The following ITGB6 variants were observed in gnomAD, a reference collection of about 807,000 sequenced individuals.
ITGB6 encodes the protein integrin subunit beta 6, also known as integrin beta-6.
Under a neutral mutation model 84.5 loss-of-function variants are expected in ITGB6, and 80 were observed. The observed-to-expected ratio is 0.95, with a 90% CI of 0.79 to 1.14. The LOEUF is 1.14. Among genes scored for constraint, ITGB6 ranks in the 50% most tolerant of loss-of-function variants. The pLI is 0.00. For synonymous variants in ITGB6, 383 were observed against 354.9 expected, an observed-to-expected ratio of 1.08 and a Z score of -0.89; for missense variants, 1,006 against 968.0, an observed-to-expected ratio of 1.04 and a Z score of -0.52.
rs377466578 is a variant in ITGB6, at chr2:160,195,632, G to A, written c.347-17C>T. 61 of 1,612,632 alleles carry A rather than the reference G, an allele frequency of 3.8e-5. No individual in the cohort carries two copies. Among genetic ancestry groups the A allele is most frequent in the Admixed American group, 8.3e-5 (5 of 59,944 alleles). ...GCGCACCACCTGCAAAGCCCAACAG[G>A]AAAAGCAAACCCAGGAAAACACACT... is the stretch of plus-strand genomic sequence containing the variant. On this transcript the variant is annotated splice_polypyrimidine_tract_variant and intron_variant, in intron 3 of 14. Transcript: ENST00000283249.
At chr2:160,105,071 C>T (rs796359747) in intron 14 of ITGB6, among the ~76,000 whole-genome samples, 58 of 152,178 alleles carry the variant, frequency 3.8e-4, no homozygotes, top group Admixed American at 1.9e-3. Context: ...GTGCAGTGAG[C>T]GACATTTTTT....
intron 6 of ITGB6, among the ~76,000 whole-genome samples, chr2:160,172,085 T>G (rs1316733327): frequency 6.6e-6 from 1 of 152,232 alleles, no homozygotes; most frequent in East Asian, 1.9e-4. Context: ...TTTCTTTGAA[T>G]GTCACTAGCA....
At chr2:160,125,264 A>T (rs1424889598) in intron 11 of ITGB6, among the ~76,000 whole-genome samples, 1 of 152,238 alleles carries the variant, frequency 6.6e-6, no homozygotes, top group Non-Finnish European at 1.5e-5. Context: ...GAATACATGC[A>T]TGAATAAATG....
At chr2:160,165,674 G>T (rs554245239) in intron 7 of ITGB6, among the ~76,000 whole-genome samples, 1 of 152,142 alleles carries the variant, frequency 6.6e-6, no homozygotes, top group Non-Finnish European at 1.5e-5. Context: ...TAGCATATGC[G>T]GCTGCTGTTT....
At chr2:160,178,183 A>C (rs1013297895) in intron 4 of ITGB6, among the ~76,000 whole-genome samples, 1 of 152,210 alleles carries the variant, frequency 6.6e-6, no homozygotes, top group African/African-American at 2.4e-5. Flanking sequence ...CCAGTTATCT[A>C]TCTTTGGGCA....
At chr2:160,173,791 C>T (rs1685307119) in intron 5 of ITGB6, among the ~76,000 whole-genome samples, 183 bp downstream of exon 5, 1 of 152,138 alleles carries the variant, frequency 6.6e-6, no homozygotes, top group African/African-American at 2.4e-5. Context: ...GCAGAAAGGA[C>T]AGTCCCCATT....
At chr2:160,178,561 G>T (rs1406859788) in intron 4 of ITGB6, among the ~76,000 whole-genome samples, 2 of 152,214 alleles carry the variant, frequency 1.3e-5, no homozygotes, top group Non-Finnish European at 2.9e-5. Flanking sequence ...AAATTCAAGT[G>T]ATAGGAGAGC....
At chr2:160,153,839 T>G (rs1392506157) in intron 7 of ITGB6, among the ~76,000 whole-genome samples, 1 of 152,134 alleles carries the variant, frequency 6.6e-6, no homozygotes, top group East Asian at 1.9e-4. Flanking sequence ...AAATCGCTCG[T>G]CATCACTGGC....
At chr2:160,115,560 G>GA (rs2105785057) in intron 12 of ITGB6, among the ~76,000 whole-genome samples, 1 of 152,300 alleles carries the variant, frequency 6.6e-6, no homozygotes, top group South Asian at 2.1e-4. Context: ...CAAAGATGGG[G>GA]AAAAAACAGA....
At chr2:160,197,875 T>C (rs574633449) in intron 2 of ITGB6, among the ~76,000 whole-genome samples, 3 of 152,382 alleles carry the variant, frequency 2.0e-5, no homozygotes, top group African/African-American at 7.2e-5. Context: ...AGCAGAAGCC[T>C]AATTTACTTT....
In ITGB6 at chr2:160,195,461, G is replaced by T. The variant is rs1454997323; in HGVS notation, c.501C>A (p.Thr167=). The change falls in exon 4 of 15, where the codon ACC becomes ACA. Residue 167 remains threonine (T), a synonymous_variant. Coordinates refer to ENST00000283249, the MANE Select transcript of ITGB6 (RefSeq NM_000888.5). ...SRLSKEMSKL[T]SNFRLGFGSF... ...ATCCGAAGCCCAGTCTAAAGTTGCT[G>T]GTTAATTTAGACATCTCTTTGGAAA... The T allele has an allele frequency of 3.1e-6, 5 of 1,614,188 alleles. No individual in the cohort carries two copies. In the East Asian group the frequency reaches 1.1e-4, roughly 36 times the overall value.
chr2:160,111,546 ATCT>A (rs1682514266), intron 13 of ITGB6, among the ~76,000 whole-genome samples: 1 of 150,138 alleles, frequency 6.7e-6, no homozygotes. Context: ...GTTCACAATC[ATCT>A]TCAGATTTCA....
At chr2:160,148,704 A>G (rs1684290343) in intron 7 of ITGB6, among the ~76,000 whole-genome samples, 2 of 152,182 alleles carry the variant, frequency 1.3e-5, no homozygotes, top group Admixed American at 1.3e-4. Flanking sequence ...AGCCAAGGGA[A>G]GCCGTGACAG....
At chr2:160,147,843 T>C (rs1472392862) in intron 7 of ITGB6, among the ~76,000 whole-genome samples, 3 of 152,134 alleles carry the variant, frequency 2.0e-5, no homozygotes, top group South Asian at 2.1e-4. Flanking sequence ...CAGACCTAAA[T>C]GTAAAATGCA....
At chr2:160,180,219 T>C (rs566029783) in intron 4 of ITGB6, among the ~76,000 whole-genome samples, 1 of 152,308 alleles carries the variant, frequency 6.6e-6, no homozygotes, top group Non-Finnish European at 1.5e-5. Context: ...TTCAGCATTT[T>C]TAACAGGGTG....
chr2:160,180,141 A>C (rs1559209078), intron 4 of ITGB6, among the ~76,000 whole-genome samples: 1 of 151,772 alleles, frequency 6.6e-6, no homozygotes, highest in East Asian at 1.9e-4. Flanking sequence ...AACAAAAAAA[A>C]CAACCTTCAG....
At chr2:160,170,232 T>C (rs550797574) in intron 6 of ITGB6, among the ~76,000 whole-genome samples, 10 of 152,314 alleles carry the variant, frequency 6.6e-5, no homozygotes, top group African/African-American at 2.4e-4. Flanking sequence ...ATATGGAATA[T>C]TCACATATTC....
In ITGB6 at chr2:160,183,913, G is replaced by T. The variant is rs542957251; in HGVS notation, c.594-9774C>A. On this transcript the variant is annotated intron_variant, in intron 4 of 14. Coordinates refer to ENST00000283249, the MANE Select transcript of ITGB6 (RefSeq NM_000888.5). ...ATAACGAAATGAAGGCAGAAATAAA[G>T]AAGTTCTTTGAAACCAATGAGAACA... Among the ~76,000 whole-genome samples, 3 of 152,262 alleles carry T rather than the reference G, an allele frequency of 2.0e-5. No individual in the cohort carries two copies. In the East Asian group the frequency reaches 5.8e-4, roughly 29 times the overall value.
chr2:160,111,223 C>G (rs762474434), intron 13 of ITGB6, among the ~76,000 whole-genome samples: 1 of 151,764 alleles, frequency 6.6e-6, no homozygotes, highest in African/African-American at 2.4e-5. Context: ...TTTTGAAACT[C>G]GTTTTTTTCA....
Sources: gnomAD v4.1 joint callset for allele counts (sites outside exome capture counted in the v4.1 genomes callset) on GRCh38, gnomAD v4.1.1 for gene constraint, MANE v1.5 for transcripts, NCBI Gene and HGNC (gene_info 2026-07-23, HGNC 2026-07-21) for gene names.